Variants in UBE2L3 observed in about 807,000 individuals in gnomAD.
UBE2L3 encodes the protein ubiquitin-conjugating enzyme E2 L3.
A neutral mutation model predicts 17.8 loss-of-function variants in UBE2L3; 1 was observed. That is an observed-to-expected ratio of 0.06 (90% CI 0.02 to 0.27). The LOEUF (loss-of-function observed/expected upper bound fraction) is 0.27. Among genes scored for constraint, UBE2L3 ranks in the 10% least tolerant of loss-of-function variants. The pLI, the probability that UBE2L3 is intolerant of heterozygous loss-of-function variation, is 1.00. For missense variants in UBE2L3, 40 were observed against 192.6 expected (o/e 0.21, Z 4.69); for synonymous variants, 44 against 68.5 (o/e 0.64, Z 1.76).
intron 2 of UBE2L3, among the ~76,000 whole-genome samples, chr22:21,605,837 T>C (rs1929129585): frequency 6.6e-6 from 1 of 152,150 alleles, no homozygotes; most frequent in South Asian, 2.1e-4. Flanking sequence ...AGGTTCTCAT[T>C]CTGTCACCCA....
chr22:21,582,762 G>A (rs2148412509), intron 1 of UBE2L3, among the ~76,000 whole-genome samples: 1 of 151,972 alleles, frequency 6.6e-6, no homozygotes, highest in Admixed American at 6.6e-5. Flanking sequence ...CTGACCTCAG[G>A]TTCCACCTGC....
At chr22:21,573,190 G>A (rs1020783830) in intron 1 of UBE2L3, among the ~76,000 whole-genome samples, 13 of 152,154 alleles carry the variant, frequency 8.5e-5, no homozygotes, top group Non-Finnish European at 2.9e-5. Context: ...ACATGAGCAG[G>A]CCCTGCTCTC....
chr22:21,620,329 G>A (rs1447064211), intron 3 of UBE2L3, among the ~76,000 whole-genome samples: 2 of 152,136 alleles, frequency 1.3e-5, no homozygotes, highest in Non-Finnish European at 2.9e-5. Context: ...AGGAAGCTGA[G>A]GCAGGAGGAT....
intron 2 of UBE2L3, among the ~76,000 whole-genome samples, chr22:21,604,691 A>G (rs1929054652): frequency 6.6e-6 from 1 of 152,050 alleles, no homozygotes; most frequent in South Asian, 2.1e-4. Context: ...GTTGAAATTC[A>G]CTTGTAGAGC....
intron 1 of UBE2L3, 105 bp downstream of exon 1, chr22:21,567,876 C>T (rs1408713352): frequency 7.8e-6 from 12 of 1,542,290 alleles, no homozygotes; most frequent in Admixed American, 6.0e-5. Flanking sequence ...TGGCTTCCTG[C>T]CCTACACGGC....
intron 3 of UBE2L3, among the ~76,000 whole-genome samples, chr22:21,618,585 A>G (rs1455329438): frequency 1.3e-5 from 2 of 150,526 alleles, no homozygotes; most frequent in Non-Finnish European, 3.0e-5. Context: ...CAAAAAATAT[A>G]TATATATATT....
At chr22:21,556,018 T>C (rs1216543826) in intron 1 of UBE2L3, among the ~76,000 whole-genome samples, 6 of 152,238 alleles carry the variant, frequency 3.9e-5, no homozygotes, top group Non-Finnish European at 8.8e-5. Context: ...GTGGAGTACT[T>C]GAGCTCTGAA....
intron 1 of UBE2L3, 51 bp downstream of exon 1, chr22:21,567,822 C>T (rs1190217815): frequency 1.3e-6 from 2 of 1,562,150 alleles, no homozygotes; most frequent in Non-Finnish European, 1.7e-6. Context: ...GTCCTAGGCT[C>T]CGGATCCCCG....
intron 3 of UBE2L3, among the ~76,000 whole-genome samples, chr22:21,615,675 TGCCTACTCACTAAAGTTTTTTGTA>T (rs910020092): frequency 6.6e-6 from 1 of 152,222 alleles, no homozygotes; most frequent in African/African-American, 2.4e-5. Flanking sequence ...TTTGCGAATT[TGCCTACTCACTAAAGTTTTTTGTA>T]GCCCCAAAAT....
intron 3 of UBE2L3, among the ~76,000 whole-genome samples, chr22:21,614,100 G>A (rs1929643747): frequency 1.3e-5 from 2 of 152,170 alleles, no homozygotes; most frequent in African/African-American, 4.8e-5. Flanking sequence ...AGGCCCACTT[G>A]GGCCTGCTTT....
intron 1 of UBE2L3, among the ~76,000 whole-genome samples, chr22:21,575,411 C>CT: frequency 9.7e-6 from 1 of 103,562 alleles, no homozygotes; most frequent in East Asian, 3.9e-4. Flanking sequence ...CCCATCTCTA[C>CT]TAAAAAAAAA....
At chr22:21,618,845 G>T (rs1929911850) in intron 3 of UBE2L3, among the ~76,000 whole-genome samples, 1 of 152,056 alleles carries the variant, frequency 6.6e-6, no homozygotes, top group African/African-American at 2.4e-5. Flanking sequence ...TTCCTCCTTG[G>T]CCTCCCAAAG....
intron 1 of UBE2L3, among the ~76,000 whole-genome samples, chr22:21,556,068 A>C (rs1248069833): frequency 2.0e-5 from 3 of 152,258 alleles, no homozygotes; most frequent in Non-Finnish European, 4.4e-5. Flanking sequence ...CCACCTCTAC[A>C]AAAAACACAA....
At chr22:21,620,056 G>T (rs142761164) in intron 3 of UBE2L3, among the ~76,000 whole-genome samples, 1,659 of 152,256 alleles carry the variant, frequency 0.011, 34 homozygotes, top group African/African-American at 0.037. Flanking sequence ...ACTTTTGGGA[G>T]GATGAGGCGG....
At chr22:21,559,803 G>C (rs1440679440) in intron 1 of UBE2L3, among the ~76,000 whole-genome samples, 1 of 152,198 alleles carries the variant, frequency 6.6e-6, no homozygotes, top group Non-Finnish European at 1.5e-5. Flanking sequence ...AGGGTGCAGG[G>C]AGGACTGGAG....
intron 2 of UBE2L3, among the ~76,000 whole-genome samples, 157 bp downstream of exon 2, chr22:21,593,113 T>C (rs900352053): frequency 7.2e-5 from 11 of 152,136 alleles, no homozygotes; most frequent in African/African-American, 2.7e-4. Flanking sequence ...GTAGGGAGTG[T>C]AGCCTTGGGT....
intron 3 of UBE2L3, among the ~76,000 whole-genome samples, chr22:21,621,303 A>G (rs543085284): frequency 1.9e-4 from 29 of 152,308 alleles, no homozygotes; most frequent in African/African-American, 6.0e-4. Context: ...AGTGTTAGCT[A>G]TTTGTTGTCC....
At chr22:21,567,820 C>T (rs754565150) in intron 1 of UBE2L3, 49 bp downstream of exon 1, 39 of 1,563,260 alleles carry the variant, frequency 2.5e-5, no homozygotes, top group African/African-American at 1.3e-5. Context: ...GCGTCCTAGG[C>T]TCCGGATCCC....
intron 1 of UBE2L3, among the ~76,000 whole-genome samples, chr22:21,582,684 C>T (rs1193921461): frequency 1.3e-5 from 2 of 152,210 alleles, no homozygotes; most frequent in African/African-American, 2.4e-5. Context: ...TGCCACCACG[C>T]CCAGTTAATT....
Sources: allele counts gnomAD v4.1 joint callset (sites outside exome capture counted in the v4.1 genomes callset), GRCh38; gene constraint gnomAD v4.1.1; transcripts MANE v1.5; gene names NCBI Gene and HGNC (gene_info 2026-07-23, HGNC 2026-07-21).